TRIM5: variants seen among roughly 807,000 people sequenced by gnomAD.
TRIM5 encodes the protein tripartite motif containing 5.
In TRIM5, 31 loss-of-function variants were observed where a neutral mutation model predicts 35.6. That is an observed-to-expected ratio of 0.87 (90% CI 0.65 to 1.18). TRIM5 has a LOEUF of 1.18. TRIM5 is among the 50% of genes most tolerant of loss of function. The probability of loss-of-function intolerance (pLI) is 0.00; values close to 1 mark genes in which losing one functional copy is unlikely to be tolerated. For synonymous variants in TRIM5, 243 were observed against 215.6 expected, an observed-to-expected ratio of 1.13 and a Z score of -1.11; for missense variants, 609 against 591.6, an observed-to-expected ratio of 1.03 and a Z score of -0.31.
chr11:5,596,119 C>G, the TRIM5 span: 1 of 152,198 alleles, frequency 6.6e-6, no homozygotes, highest in African/African-American at 2.4e-5. Flanking sequence ...CTGAGTCTTT[C>G]GGCCTGGGTG....
chr11:5,604,710 C>T, the TRIM5 span: 3 of 1,431,952 alleles, frequency 2.1e-6, no homozygotes, highest in East Asian at 4.7e-5. Flanking sequence ...GAGTCCTTGT[C>T]CTGTCTGTCC....
the TRIM5 span, chr11:5,641,056 A>C: frequency 7.1e-7 from 1 of 1,409,370 alleles, no homozygotes; most frequent in Admixed American, 2.9e-5. Context: ...TGACATTTTC[A>C]TATAACTCAC....
chr11:5,648,076 TG>T, the TRIM5 span, among the ~76,000 whole-genome samples: 2 of 152,328 alleles, frequency 1.3e-5, no homozygotes, highest in Admixed American at 1.3e-4. Flanking sequence ...TGTTTTATTC[TG>T]ATTGAACTCC....
At chr11:5,671,124 T>C (rs1218519481) in intron 4 of TRIM5, among the ~76,000 whole-genome samples, 1 of 151,700 alleles carries the variant, frequency 6.6e-6, no homozygotes, top group African/African-American at 2.4e-5. Flanking sequence ...TAGTCTGGGG[T>C]CTGAGGTGAG....
chr11:5,657,487 A>G, the TRIM5 span, among the ~76,000 whole-genome samples: 1 of 123,148 alleles, frequency 8.1e-6, no homozygotes, highest in South Asian at 2.8e-4. Flanking sequence ...TATATAATGC[A>G]TTTATATATA....
In TRIM5 at chr11:5,665,291, TC is replaced by T; in HGVS notation, c.999del (p.Thr334GlnfsTer7). 6.2e-7 allele frequency: 1 copy of T among 1,614,174 alleles called. No homozygotes were observed. The highest frequency in any genetic ancestry group is 1.1e-5 in the South Asian group (1 of 91,080). On this transcript the variant is annotated frameshift_variant, in exon 8 of 8. Transcript: ENST00000380034. LOFTEE classifies it low-confidence loss of function (END_TRUNC). ...AAATTCACAAATGTCTGGTATCTTGTCCCTCGTGCCCCATATATTATCTGTG... is the reference window on the plus strand; with the variant it reads ...AAATTCACAAATGTCTGGTATCTTGTCCTCGTGCCCCATATATTATCTGTG... ...PKPQIIYGARGTRYQTFVNFN... is the reference protein window; with the variant it reads ...PKPQIIYGARXTRYQTFVNFN...
At chr11:5,671,097 G>A (rs1006002931) in intron 4 of TRIM5, among the ~76,000 whole-genome samples, 7 of 152,068 alleles carry the variant, frequency 4.6e-5, no homozygotes, top group Non-Finnish European at 7.4e-5. Context: ...ATGGTAGTGC[G>A]GAGCTGTAGT....
At chr11:5,634,933 T>C in the TRIM5 span, 1 of 1,520,996 alleles carries the variant, frequency 6.6e-7, no homozygotes, top group Non-Finnish European at 8.9e-7. Flanking sequence ...CTCATCCTGG[T>C]GGTGACACTA....
chr11:5,634,528 CACATAT>C, the TRIM5 span: 107 of 536,622 alleles, frequency 2.0e-4, no homozygotes, highest in Non-Finnish European at 2.4e-4. Context: ...CACACACACA[CACATAT>C]ATATATATAT....
the TRIM5 span, among the ~76,000 whole-genome samples, chr11:5,635,460 G>A: frequency 4.6e-5 from 7 of 152,042 alleles, no homozygotes; most frequent in Non-Finnish European, 7.4e-5. Context: ...GTTTCACCGT[G>A]CTAGCCAGTA....
Position 5,679,843 on chromosome 11 carries a change from A to G in TRIM5, c.335T>C (p.Val112Ala), listed in dbSNP as rs1590275926. The G allele has an allele frequency of 6.2e-7, 1 of 1,613,152 alleles. No individual in the cohort carries two copies. Among genetic ancestry groups the G allele is most frequent in the Non-Finnish European group, 8.5e-7 (1 of 1,179,840 alleles). ...LLLFCQEDGK[V>A]ICWLCERSQE... ...AGACCGCTCACAAAGCCAGCAAATG[A>G]CCTTCCCGTCCTCCTGACAGAAGAG... Residue 112 changes from valine (V) to alanine (A), a missense_variant, in exon 2 of 8, where the codon GTC (valine) becomes GCC (alanine). Val to Ala is a moderately conservative substitution (Grantham distance 64). Coordinates refer to ENST00000380034, the MANE Select transcript of TRIM5 (RefSeq NM_033034.3).
the TRIM5 span, among the ~76,000 whole-genome samples, chr11:5,650,076 G>A: frequency 3.3e-5 from 5 of 152,342 alleles, no homozygotes; most frequent in South Asian, 8.3e-4. Flanking sequence ...GGAATACCAT[G>A]GTGGTAAATG....
the TRIM5 span, among the ~76,000 whole-genome samples, chr11:5,607,014 T>C: frequency 2.0e-5 from 3 of 152,040 alleles, no homozygotes; most frequent in African/African-American, 4.8e-5. Context: ...CCATCCTGGC[T>C]AACACGGTGA....
chr11:5,684,440 A>G (rs1377798979), intron 1 of TRIM5, among the ~76,000 whole-genome samples: 2 of 152,164 alleles, frequency 1.3e-5, no homozygotes, highest in Non-Finnish European at 2.9e-5. Context: ...TGACAGGACT[A>G]CAGAACTGGA....
At chr11:5,622,199 A>G in the TRIM5 span, among the ~76,000 whole-genome samples, 2 of 152,196 alleles carry the variant, frequency 1.3e-5, no homozygotes, top group African/African-American at 4.8e-5. Context: ...TAATCCCAGG[A>G]CTTCGGGAGG....
rs539181397 is a variant in TRIM5 at position 5,665,428 on chromosome 11, A to G, written c.896-33T>C. 3 of 1,563,402 alleles carry G rather than the reference A, an allele frequency of 1.9e-6. No homozygotes were observed. In the South Asian group the frequency reaches 3.7e-5, roughly 19 times the overall value. On this transcript the variant is annotated intron_variant, in intron 7 of 7. Transcript: ENST00000380034. ...AAAATTAACAGGTCAGCTAAGGGAT[A>G]TAATGTAACTTTATTTGTGATATGA...
At chr11:5,603,492 G>T in the TRIM5 span, 1 of 1,614,030 alleles carries the variant, frequency 6.2e-7, no homozygotes, top group Non-Finnish European at 8.5e-7. Context: ...CTGTGTGCCA[G>T]ACCAGCTACC....
the TRIM5 span, among the ~76,000 whole-genome samples, chr11:5,645,135 C>A: frequency 6.6e-6 from 1 of 152,096 alleles, no homozygotes; most frequent in Admixed American, 6.5e-5. Flanking sequence ...ACTTTGGGAT[C>A]CCAGCCAGCA....
chr11:5,642,556 G>A, the TRIM5 span: 1 of 1,597,836 alleles, frequency 6.3e-7, no homozygotes, highest in Non-Finnish European at 8.5e-7. Flanking sequence ...TGTGGTGTCA[G>A]GTAATAAACT....
Sources: allele counts gnomAD v4.1 joint callset (sites outside exome capture counted in the v4.1 genomes callset), GRCh38; gene constraint gnomAD v4.1.1; transcripts MANE v1.5; gene names NCBI Gene and HGNC (gene_info 2026-07-23, HGNC 2026-07-21).